Variants in HNMT observed in about 807,000 individuals in gnomAD.
The protein encoded by HNMT is histamine N-methyltransferase.
A neutral mutation model predicts 32.1 loss-of-function variants in HNMT; 30 were observed. The observed-to-expected ratio is 0.93, with a 90% confidence interval of 0.70 to 1.27. The LOEUF is 1.27. HNMT is among the 50% of genes most tolerant of loss of function. HNMT has a pLI of 0.00. For missense variants in HNMT, 327 were observed against 346.0 expected (o/e 0.95, Z 0.43); for synonymous variants, 125 against 119.0 (o/e 1.05, Z -0.33).
intron 4 of HNMT, 137 bp downstream of exon 4, chr2:138,002,331 G>A: frequency 9.1e-7 from 1 of 1,101,570 alleles, no homozygotes; most frequent in Non-Finnish European, 1.2e-6. Context: ...ACCATGATCT[G>A]CCCAAATAAA....
chr2:138,001,481 GT>G (rs1681170174), intron 3 of HNMT, among the ~76,000 whole-genome samples: 1 of 152,120 alleles, frequency 6.6e-6, no homozygotes, highest in Non-Finnish European at 1.5e-5. Context: ...AGAAAAATAG[GT>G]AAACTAACAA....
chr2:137,984,771 T>TA (rs1414619237), intron 2 of HNMT, among the ~76,000 whole-genome samples: 3 of 152,122 alleles, frequency 2.0e-5, no homozygotes, highest in Non-Finnish European at 4.4e-5. Flanking sequence ...AAATTAAACT[T>TA]AAAAAAATCA....
rs201535609 is a variant in HNMT at position 138,013,753 on chromosome 2, T to C, written c.524-22T>C. The C allele has an allele frequency of 1.8e-4, 286 of 1,575,184 alleles. 4 individuals carry two copies. The East Asian group carries it at 6.5e-3, about 36-fold the overall frequency. On this transcript the variant is annotated intron_variant, in intron 5 of 5. Transcript: ENST00000280097. The stretch of plus-strand genomic sequence containing the variant: ...ATGAAAGAAAGAATAAATGAAAGCA[T>C]GACTTGTGTTTTATTGCACAGGAAG...
At chr2:137,964,673 G>A in intron 1 of HNMT, 45 bp downstream of exon 1, 1 of 1,603,880 alleles carries the variant, frequency 6.2e-7, no homozygotes, top group Non-Finnish European at 8.5e-7. Flanking sequence ...CCTCAGACTG[G>A]CTGTGCGTCA....
At chr2:138,010,424 C>CCTATTT (rs1681459556) in intron 5 of HNMT, among the ~76,000 whole-genome samples, 1 of 131,554 alleles carries the variant, frequency 7.6e-6, no homozygotes, top group Non-Finnish European at 1.6e-5. Context: ...ATAAAAGGCT[C>CCTATTT]AATAAAAAAG....
chr2:137,969,772 G>C (rs1426129918), intron 1 of HNMT, among the ~76,000 whole-genome samples: 1 of 152,106 alleles, frequency 6.6e-6, no homozygotes, highest in African/African-American at 2.4e-5. Flanking sequence ...GTTAAAAAAA[G>C]GGGGAGGAAA....
intron 5 of HNMT, among the ~76,000 whole-genome samples, chr2:138,011,559 T>C (rs1441307715): frequency 6.6e-6 from 1 of 152,146 alleles, no homozygotes; most frequent in East Asian, 1.9e-4. Flanking sequence ...TTTAGCTTAA[T>C]CCATGCATGA....
rs947412890 is a variant in HNMT, at chr2:138,015,796, G to A, written c.*1666G>A. 2.5e-4 allele frequency: 38 copies of A among 152,088 alleles called. No homozygotes were observed. Among genetic ancestry groups the A allele is most frequent in the African/African-American group, 8.7e-4 (36 of 41,432 alleles). 9.4% of individuals were successfully genotyped at this position (152,088 alleles called of 1,614,324 possible). ...GACTTTACAGAGTCTTTTGTATAAA[G>A]CACACGTGCAAAAACAAACAAAATT... On this transcript the variant is annotated 3_prime_UTR_variant, in exon 6 of 6. Transcript: ENST00000280097.
At chr2:137,974,307 T>C (rs1031897237) in intron 2 of HNMT, among the ~76,000 whole-genome samples, 16 of 152,162 alleles carry the variant, frequency 1.1e-4, no homozygotes, top group African/African-American at 3.9e-4. Flanking sequence ...ATTTCTGCAA[T>C]TGTTTTTAGG....
intron 5 of HNMT, among the ~76,000 whole-genome samples, chr2:138,011,775 C>T (rs1435765098): frequency 6.6e-6 from 1 of 152,100 alleles, no homozygotes. Flanking sequence ...CAGTTTAACA[C>T]TTCAGTAACG....
At chr2:137,976,299 C>A (rs911547017) in intron 2 of HNMT, among the ~76,000 whole-genome samples, 1 of 148,052 alleles carries the variant, frequency 6.8e-6, no homozygotes. Context: ...AAAAACCTGT[C>A]TATAAATAGA....
At chr2:137,970,780 C>G (rs565342132) in intron 2 of HNMT, among the ~76,000 whole-genome samples, 13 of 151,784 alleles carry the variant, frequency 8.6e-5, no homozygotes, top group Admixed American at 8.5e-4. Context: ...ATTAGCCAAG[C>G]GTGGTGGCAG....
chr2:138,007,129 T>C (rs1681351266), intron 5 of HNMT, among the ~76,000 whole-genome samples: 1 of 151,984 alleles, frequency 6.6e-6, no homozygotes, highest in African/African-American at 2.4e-5. Flanking sequence ...TCTCCTTCCT[T>C]TACCATATCA....
rs1340929197 is a variant in HNMT at position 138,014,161 on chromosome 2, A to G, written c.*31A>G. The G allele has an allele frequency of 6.8e-6, 9 of 1,324,150 alleles. No homozygotes were observed. Among genetic ancestry groups the G allele is most frequent in the Non-Finnish European group, 9.4e-6 (9 of 955,746 alleles). The allele number at this position is 1,324,150 out of a possible 1,614,324, so 82.0% of individuals were successfully genotyped here. The stretch of plus-strand genomic sequence containing the variant: ...AATCACAAAAGTATATTCAAAAATT[A>G]TATTTTGAACAACTCGAATCACTCA... On this transcript the variant is annotated 3_prime_UTR_variant, in exon 6 of 6. Transcript: ENST00000280097.
intron 2 of HNMT, among the ~76,000 whole-genome samples, chr2:137,970,940 AGAAAG>A (rs1558951047): frequency 1.7e-3 from 15 of 8,614 alleles, no homozygotes; most frequent in African/African-American, 2.7e-3. Flanking sequence ...AAAAAAAGAA[AGAAAG>A]AAAGAAAGAA....
At chr2:137,978,805 T>C (rs887800517) in intron 2 of HNMT, among the ~76,000 whole-genome samples, 12 of 139,686 alleles carry the variant, frequency 8.6e-5, no homozygotes, top group Admixed American at 4.4e-4. Flanking sequence ...TTATGTAATA[T>C]AGTATTATAT....
At chr2:137,972,326 G>A (rs1383899593) in intron 2 of HNMT, among the ~76,000 whole-genome samples, 11 of 152,052 alleles carry the variant, frequency 7.2e-5, no homozygotes, top group African/African-American at 2.7e-4. Context: ...GGCTAGTCTC[G>A]AACTCCTTAC....
At chr2:138,007,738 A>T (rs1681371209) in intron 5 of HNMT, among the ~76,000 whole-genome samples, 1 of 152,026 alleles carries the variant, frequency 6.6e-6, no homozygotes, top group Admixed American at 6.6e-5. Flanking sequence ...AAACATGGAC[A>T]TAGTCCTACC....
intron 4 of HNMT, among the ~76,000 whole-genome samples, chr2:138,004,846 A>T (rs1037234045): frequency 2.0e-5 from 3 of 152,094 alleles, no homozygotes; most frequent in Non-Finnish European, 1.5e-5. Flanking sequence ...AATGGTGACT[A>T]AGTGTCTCCA....
Sources: gnomAD v4.1 joint callset for allele counts (sites outside exome capture counted in the v4.1 genomes callset) on GRCh38, gnomAD v4.1.1 for gene constraint, MANE v1.5 for transcripts, NCBI Gene and HGNC (gene_info 2026-07-23, HGNC 2026-07-21) for gene names.